WARS2: variants seen among roughly 807,000 people sequenced by gnomAD.
WARS2 encodes tryptophanyl tRNA synthetase 2, mitochondrial, also known as tryptophan--tRNA ligase, mitochondrial.
A neutral mutation model predicts 36.5 loss-of-function variants in WARS2; 28 were observed. That is an observed-to-expected ratio of 0.77 (90% CI 0.57 to 1.05). The LOEUF (loss-of-function observed/expected upper bound fraction) is 1.05. WARS2 is among the 50% of genes least tolerant of loss of function. WARS2 has a pLI of 0.00. For missense variants in WARS2, 435 were observed against 456.8 expected (o/e 0.95, Z 0.44); for synonymous variants, 174 against 178.4 (o/e 0.98, Z 0.20).
intron 1 of WARS2, among the ~76,000 whole-genome samples, chr1:119,081,512 C>A (rs587715717): frequency 6.6e-6 from 1 of 152,320 alleles, no homozygotes; most frequent in East Asian, 1.9e-4. Context: ...AAACCACAAA[C>A]TTGGCTCAAT....
At chr1:119,120,352 G>A (rs779457957) in intron 1 of WARS2, among the ~76,000 whole-genome samples, 5 of 151,454 alleles carry the variant, frequency 3.3e-5, no homozygotes, top group African/African-American at 4.8e-5. Flanking sequence ...GATTAAACCA[G>A]GAAGAAACAA....
intron 1 of WARS2, chr1:119,140,297 C>T (rs370051031): frequency 2.2e-5 from 8 of 359,354 alleles, no homozygotes; most frequent in South Asian, 7.6e-5. Context: ...GGCGGCGCTC[C>T]GCTCCCAGAA....
At chr1:119,138,800 G>T (rs1656706068) in intron 1 of WARS2, among the ~76,000 whole-genome samples, 1 of 152,026 alleles carries the variant, frequency 6.6e-6, no homozygotes, top group Non-Finnish European at 1.5e-5. Flanking sequence ...CTAAATTAAA[G>T]GTTTAGAAAC....
At chr1:119,062,739 C>T (rs911005395) in intron 2 of WARS2, 7 of 157,542 alleles carry the variant, frequency 4.4e-5, no homozygotes, top group African/African-American at 1.7e-4. Flanking sequence ...TTGCTTCTTC[C>T]TCATTTTTCT....
chr1:119,082,331 T>G, intron 1 of WARS2: 1 of 985,436 alleles, frequency 1.0e-6, no homozygotes, highest in African/African-American at 1.7e-5. Flanking sequence ...TTACACGTGC[T>G]GTACCTACCA....
intron 4 of WARS2, among the ~76,000 whole-genome samples, chr1:119,037,759 T>C (rs1647999049): frequency 1.3e-5 from 2 of 152,196 alleles, no homozygotes; most frequent in African/African-American, 4.8e-5. Context: ...ATCAATCCAG[T>C]TGGGTAAGTC....
chr1:119,035,460 C>G (rs555177271), intron 4 of WARS2, among the ~76,000 whole-genome samples: 1 of 151,868 alleles, frequency 6.6e-6, no homozygotes, highest in Non-Finnish European at 1.5e-5. Context: ...AACACGTATA[C>G]TAATTGATAG....
At chr1:119,069,985 G>T (rs913040546) in intron 2 of WARS2, among the ~76,000 whole-genome samples, 1 of 152,136 alleles carries the variant, frequency 6.6e-6, no homozygotes. Flanking sequence ...TACATCTTCC[G>T]TAAGTGGTGC....
At chr1:119,055,557 A>G (rs1308875503) in intron 2 of WARS2, among the ~76,000 whole-genome samples, 1 of 152,084 alleles carries the variant, frequency 6.6e-6, no homozygotes, top group Non-Finnish European at 1.5e-5. Context: ...CACAAGATTC[A>G]CTTGAACCCA....
intron 1 of WARS2, chr1:119,086,062 C>T (rs767095286): frequency 2.3e-4 from 279 of 1,227,910 alleles, no homozygotes; most frequent in Non-Finnish European, 2.9e-4. Flanking sequence ...GTCTTGCTAT[C>T]TTGCCCAGAT....
At chr1:119,047,798 G>A (rs1005732072) in intron 2 of WARS2, among the ~76,000 whole-genome samples, 19 of 152,134 alleles carry the variant, frequency 1.2e-4, no homozygotes, top group African/African-American at 4.6e-4. Context: ...TGTATAACCC[G>A]ATTAGCCACA....
Position 119,085,359 on chromosome 1 carries a change from T to C in WARS2, c.91-8752A>G, listed in dbSNP as rs587668868. ...CTCCTAGTTCTTGCTGCTGTGCTTC[T>C]TAGGGCCAGGGTTGTCCTCTTCCTT... On this transcript the variant is annotated intron_variant, in intron 1 of 5. Coordinates refer to ENST00000235521, the MANE Select transcript of WARS2 (RefSeq NM_015836.4). The C allele has an allele frequency of 1.3e-5, 18 of 1,371,784 alleles. No homozygotes were observed. In the East Asian group the frequency reaches 3.0e-4, roughly 23 times the overall value. 85.0% of individuals were successfully genotyped at this position (1,371,784 alleles called of 1,614,324 possible). A position where few individuals can be genotyped will look rare whatever the true frequency, so the allele number is the denominator to read the frequency against.
intron 2 of WARS2, among the ~76,000 whole-genome samples, chr1:119,065,749 G>A (rs1650791300): frequency 6.6e-6 from 1 of 151,914 alleles, no homozygotes; most frequent in Non-Finnish European, 1.5e-5. Context: ...TTATCAAGAG[G>A]AAACAAAGGA....
intron 1 of WARS2, among the ~76,000 whole-genome samples, chr1:119,081,068 T>C (rs1163117479): frequency 1.3e-5 from 2 of 152,170 alleles, no homozygotes; most frequent in Non-Finnish European, 2.9e-5. Flanking sequence ...CAGTACCAAA[T>C]CCCTGGGGAG....
chr1:119,104,806 T>C (rs1009127633), intron 1 of WARS2, among the ~76,000 whole-genome samples: 3 of 147,556 alleles, frequency 2.0e-5, no homozygotes, highest in East Asian at 4.0e-4. Flanking sequence ...GGGAAATCAG[T>C]GTTCCTGGTG....
rs144080689 is a variant in WARS2, at chr1:119,087,160, T to C, written c.91-10553A>G. ...TGCACATATCACATTGATAACTTGG[T>C]AAATATTTTTTTATTTGCTCCATAG... is the stretch of plus-strand genomic sequence containing the variant. On this transcript the variant is annotated intron_variant, in intron 1 of 5. Transcript: ENST00000235521. Among the ~76,000 whole-genome samples the C allele has an allele frequency of 3.9e-5, 6 of 152,344 alleles. No homozygotes were observed. The East Asian group carries it at 1.2e-3, about 29-fold the overall frequency.
intron 5 of WARS2, 65 bp downstream of exon 5, chr1:119,034,030 T>C (rs1452056801): frequency 2.8e-6 from 4 of 1,434,348 alleles, no homozygotes; most frequent in Non-Finnish European, 3.9e-6. Flanking sequence ...GTTCCAAGCC[T>C]ATCTATTGTC....
In WARS2 at chr1:119,073,789, A is replaced by G. The variant is rs144299204; in HGVS notation, c.348+2561T>C. Among the ~76,000 whole-genome samples the G allele has an allele frequency of 8.0e-4, 122 of 152,354 alleles. 2 individuals carry two copies. The highest frequency in any genetic ancestry group is 2.9e-3 in the African/African-American group (121 of 41,588). On this transcript the variant is annotated intron_variant, in intron 2 of 5. Coordinates refer to ENST00000235521, the MANE Select transcript of WARS2 (RefSeq NM_015836.4). ...GAACAACAAAGTTCCACATGGAAGA[A>G]CATATCTCAATTATTGCAAATTTTA...
chr1:119,066,735 A>AAGT (rs1650908091), intron 2 of WARS2, among the ~76,000 whole-genome samples: 1 of 152,154 alleles, frequency 6.6e-6, no homozygotes, highest in Admixed American at 6.6e-5. Context: ...ACAGTGCCAA[A>AAGT]AGTAATATGT....
Sources: allele counts gnomAD v4.1 joint callset (sites outside exome capture counted in the v4.1 genomes callset), GRCh38; gene constraint gnomAD v4.1.1; transcripts MANE v1.5; gene names NCBI Gene and HGNC (gene_info 2026-07-23, HGNC 2026-07-21).